LRRC4C: variants seen among roughly 807,000 people sequenced by gnomAD.
LRRC4C encodes leucine-rich repeat-containing protein 4C.
A neutral mutation model predicts 33.6 loss-of-function variants in LRRC4C; 5 were observed. The ratio of observed to expected loss-of-function variants is 0.15; its 90% confidence interval spans 0.08 to 0.31. The LOEUF (loss-of-function observed/expected upper bound fraction) is 0.31, where lower values mean the gene tolerates loss of function less well. Ranked by LOEUF, LRRC4C falls within the 10% of genes least tolerant of loss-of-function variation. The pLI, the probability that LRRC4C is intolerant of heterozygous loss-of-function variation, is 1.00. For synonymous variants in LRRC4C, 329 were observed against 302.0 expected (o/e 1.09, Z -0.93); for missense variants, 560 against 796.7 (o/e 0.70, Z 3.58).
chr11:41,183,170 TG>T (rs1332614667), intron 1 of LRRC4C, among the ~76,000 whole-genome samples: 2 of 152,056 alleles, frequency 1.3e-5, no homozygotes, highest in African/African-American at 2.4e-5. Context: ...CATATCATTC[TG>T]CCCCTGGCCC....
intron 2 of LRRC4C, among the ~76,000 whole-genome samples, chr11:40,906,885 G>A (rs1327964811): frequency 6.6e-6 from 1 of 152,150 alleles, no homozygotes; most frequent in Non-Finnish European, 1.5e-5. Context: ...TGATCTCAAA[G>A]AGCTTACAAT....
intron 1 of LRRC4C, among the ~76,000 whole-genome samples, chr11:40,950,584 A>G (rs572790527): frequency 3.4e-4 from 52 of 152,220 alleles, no homozygotes; most frequent in Middle Eastern, 3.4e-3. Flanking sequence ...TTGTGTATAC[A>G]TGGAAACTTA....
At chr11:40,611,737 A>T (rs1314820897) in intron 3 of LRRC4C, among the ~76,000 whole-genome samples, 1 of 151,862 alleles carries the variant, frequency 6.6e-6, no homozygotes, top group Non-Finnish European at 1.5e-5. Flanking sequence ...AAAAAGACAT[A>T]CAAATGGCCA....
At chr11:40,255,878 A>T (rs553357718) in intron 4 of LRRC4C, among the ~76,000 whole-genome samples, 1 of 152,324 alleles carries the variant, frequency 6.6e-6, no homozygotes, top group Admixed American at 6.5e-5. Flanking sequence ...AGAAGCCAAA[A>T]ATATCCTGCA....
At chr11:41,411,198 G>C (rs1450298053) in intron 1 of LRRC4C, among the ~76,000 whole-genome samples, 1 of 114,772 alleles carries the variant, frequency 8.7e-6, no homozygotes, top group African/African-American at 3.7e-5. Context: ...GCCCAGGCTG[G>C]AGTGCAGTGG....
chr11:40,501,684 C>T (rs1053079328), intron 3 of LRRC4C, among the ~76,000 whole-genome samples: 1 of 152,068 alleles, frequency 6.6e-6, no homozygotes, highest in African/African-American at 2.4e-5. Flanking sequence ...GGACCCTGGG[C>T]CCAGCCCACA....
At chr11:40,802,893 T>G (rs1951096819) in intron 2 of LRRC4C, among the ~76,000 whole-genome samples, 1 of 152,160 alleles carries the variant, frequency 6.6e-6, no homozygotes, top group Non-Finnish European at 1.5e-5. Context: ...GAAGAAAGGC[T>G]CATACCAAGG....
At chr11:41,034,922 AT>A (rs1159950141) in intron 1 of LRRC4C, among the ~76,000 whole-genome samples, 1 of 149,458 alleles carries the variant, frequency 6.7e-6, no homozygotes, top group Non-Finnish European at 1.5e-5. Flanking sequence ...TGTAATTTTG[AT>A]TTTTTGGGGG....
At chr11:40,815,524 T>G (rs1365239125) in intron 2 of LRRC4C, among the ~76,000 whole-genome samples, 1 of 152,212 alleles carries the variant, frequency 6.6e-6, no homozygotes, top group Non-Finnish European at 1.5e-5. Context: ...AGGTCTTGGA[T>G]GATTTTCTCA....
chr11:41,446,226 C>T (rs1955822306), intron 1 of LRRC4C, among the ~76,000 whole-genome samples: 1 of 152,160 alleles, frequency 6.6e-6, no homozygotes, highest in Non-Finnish European at 1.5e-5. Context: ...TATTCCTGCC[C>T]CAGCTTAAAT....
At chr11:41,197,529 A>G (rs1946232236) in intron 1 of LRRC4C, among the ~76,000 whole-genome samples, 1 of 152,024 alleles carries the variant, frequency 6.6e-6, no homozygotes, top group South Asian at 2.1e-4. Flanking sequence ...AAAACATCAA[A>G]CAGCACCTCT....
At chr11:40,351,250 T>A (rs1947368154) in intron 3 of LRRC4C, among the ~76,000 whole-genome samples, 1 of 152,038 alleles carries the variant, frequency 6.6e-6, no homozygotes, top group African/African-American at 2.4e-5. Context: ...TTTATTTCAT[T>A]GCTGCCAAAT....
At chr11:41,351,236 TACACACAC>T (rs1020230259) in intron 1 of LRRC4C, among the ~76,000 whole-genome samples, 1 of 111,048 alleles carries the variant, frequency 9.0e-6, no homozygotes, top group Non-Finnish European at 2.0e-5. Flanking sequence ...CACACACACA[TACACACAC>T]ACACACATAC....
At chr11:40,697,201 T>A (rs1945609674) in intron 2 of LRRC4C, among the ~76,000 whole-genome samples, 1 of 152,082 alleles carries the variant, frequency 6.6e-6, no homozygotes, top group Admixed American at 6.6e-5. Flanking sequence ...CTTTATTCAA[T>A]GAAGATATGT....
At chr11:40,255,553 C>T (rs1359485682) in intron 4 of LRRC4C, among the ~76,000 whole-genome samples, 1 of 152,106 alleles carries the variant, frequency 6.6e-6, no homozygotes, top group African/African-American at 2.4e-5. Flanking sequence ...TTTGTTCAGT[C>T]CAATAATGGC....
intron 1 of LRRC4C, among the ~76,000 whole-genome samples, chr11:41,266,047 G>T (rs965539044): frequency 2.0e-5 from 3 of 151,950 alleles, no homozygotes; most frequent in African/African-American, 7.2e-5. Context: ...AAAATTTATT[G>T]TTTTTGGCAT....
intron 1 of LRRC4C, among the ~76,000 whole-genome samples, chr11:41,284,338 T>C (rs1365574076): frequency 1.3e-5 from 2 of 152,208 alleles, no homozygotes; most frequent in East Asian, 3.8e-4. Flanking sequence ...GTAATGAATA[T>C]TCTGTGTTTC....
intron 1 of LRRC4C, among the ~76,000 whole-genome samples, chr11:41,071,861 G>A (rs911582151): frequency 3.3e-5 from 5 of 152,210 alleles, no homozygotes; most frequent in African/African-American, 1.2e-4. Flanking sequence ...ATTAACAGAA[G>A]TGTGGAAGAA....
chr11:41,318,715 C>T (rs1423575506), intron 1 of LRRC4C, among the ~76,000 whole-genome samples: 3 of 152,094 alleles, frequency 2.0e-5, no homozygotes, highest in African/African-American at 7.2e-5. Context: ...ATATTTCCCA[C>T]TATGTGTGTT....
Sources: allele counts gnomAD v4.1 joint callset (sites outside exome capture counted in the v4.1 genomes callset), GRCh38; gene constraint gnomAD v4.1.1; transcripts MANE v1.5; gene names NCBI Gene and HGNC (gene_info 2026-07-23, HGNC 2026-07-21).